The following EPS8 variants were observed in gnomAD, a reference collection of about 807,000 sequenced individuals.
EPS8 encodes epidermal growth factor receptor kinase substrate 8.
EPS8 carries 42 observed loss-of-function variants against 103.8 expected under a neutral mutation model. That is an observed-to-expected ratio of 0.40 (90% confidence interval 0.32 to 0.52). The LOEUF is 0.52. EPS8 is among the 20% of genes least tolerant of loss of function. The pLI is 0.40. For missense variants in EPS8, 969 were observed against 1,005.1 expected, an observed-to-expected ratio of 0.96 and a Z score of 0.49; for synonymous variants, 344 against 344.6, an observed-to-expected ratio of 1.00 and a Z score of 0.02.
chr12:15,664,722 G>A (rs910029448), intron 8 of EPS8, among the ~76,000 whole-genome samples: 1 of 152,090 alleles, frequency 6.6e-6, no homozygotes, highest in East Asian at 1.9e-4. Context: ...ATACTTTACT[G>A]GATAAAGAAT....
intron 1 of EPS8, among the ~76,000 whole-genome samples, chr12:15,686,256 T>C (rs1461780804): frequency 6.6e-6 from 1 of 152,210 alleles, no homozygotes; most frequent in African/African-American, 2.4e-5. Context: ...CTTACTTTAT[T>C]TTAGAATATA....
At position 15,654,012 on chromosome 12, in the gene EPS8, C is replaced by A. The variant is rs548558952; in HGVS notation, c.1250+133G>T. ...TCTATCTCTTCCACTAGACTTCTAG[C>A]CTTTAAGGGTTTAGGTTTTTTCATC... On this transcript the variant is annotated intron_variant, in intron 13 of 20. Transcript: ENST00000281172. 16 of 788,118 alleles carry A rather than the reference C, an allele frequency of 2.0e-5. No homozygotes were observed. In the South Asian group the frequency reaches 2.7e-4, roughly 13 times the overall value. 48.8% of individuals were successfully genotyped at this position (788,118 alleles called of 1,614,324 possible). A position where few individuals can be genotyped will look rare whatever the true frequency, so the allele number is the denominator to read the frequency against.
chr12:15,720,006 A>C (rs1245145442), intron 1 of EPS8, among the ~76,000 whole-genome samples: 1 of 152,232 alleles, frequency 6.6e-6, no homozygotes, highest in Non-Finnish European at 1.5e-5. Flanking sequence ...ACAAATCATC[A>C]GTATAGGCAG....
At chr12:15,694,820 CA>C (rs1002330419) in intron 1 of EPS8, among the ~76,000 whole-genome samples, 28 of 152,036 alleles carry the variant, frequency 1.8e-4, no homozygotes, top group Non-Finnish European at 7.4e-5. Flanking sequence ...ATTTAAAAGT[CA>C]GTAAATATAA....
At chr12:15,758,952 G>A (rs543407529) in intron 1 of EPS8, among the ~76,000 whole-genome samples, 15 of 152,182 alleles carry the variant, frequency 9.9e-5, no homozygotes, top group Non-Finnish European at 1.8e-4. Context: ...CAGTGAATGG[G>A]GAGGAAGCAT....
rs1341458300 is a variant in EPS8 at position 15,748,420 on chromosome 12, T to C, written c.-22+40741A>G. Among the ~76,000 whole-genome samples, 1 of 152,192 alleles carries C rather than the reference T, an allele frequency of 6.6e-6. No individual in the cohort carries two copies. Among genetic ancestry groups the C allele is most frequent in the Non-Finnish European group, 1.5e-5 (1 of 68,032 alleles). ...GAAAGGAAAGAATTATCCTCAATAA[T>C]ATCAATTTTCTAAGTCTGGGTTTTT... On this transcript the variant is annotated intron_variant, in intron 1 of 20. Coordinates refer to ENST00000281172, the MANE Select transcript of EPS8 (RefSeq NM_004447.6). This position sits in a 1 kb window ranked among gnomAD's most constrained non-coding sequence, Gnocchi z 4.8.
At position 15,739,032 on chromosome 12, in the gene EPS8, C is replaced by T. The variant is rs1414752385; in HGVS notation, c.-22+50129G>A. On this transcript the variant is annotated intron_variant, in intron 1 of 20. Transcript: ENST00000281172. Reference sequence around the variant, plus strand: ...TACATCCCTGGGTTACTATTCTAAGCCTAGATCCTTTAATCTATAATAATA... The same window carrying T: ...TACATCCCTGGGTTACTATTCTAAGTCTAGATCCTTTAATCTATAATAATA... Among the ~76,000 whole-genome samples the T allele has an allele frequency of 2.6e-5, 4 of 152,150 alleles. 1 individual carries two copies. The highest frequency in any genetic ancestry group is 6.3e-3 in the Middle Eastern group (2 of 316).
chr12:15,629,985 C>A (rs775582101), intron 18 of EPS8, among the ~76,000 whole-genome samples: 1 of 152,100 alleles, frequency 6.6e-6, no homozygotes, highest in Non-Finnish European at 1.5e-5. Context: ...TAGTTCCATA[C>A]TGGTATCTGG....
At chr12:15,687,782 C>T (rs1485506563) in intron 1 of EPS8, among the ~76,000 whole-genome samples, 1 of 152,138 alleles carries the variant, frequency 6.6e-6, no homozygotes, top group African/African-American at 2.4e-5. Context: ...ACATCATCAG[C>T]ACACATGTAC....
At chr12:15,737,640 C>A (rs1946779279) in intron 1 of EPS8, among the ~76,000 whole-genome samples, 1 of 152,124 alleles carries the variant, frequency 6.6e-6, no homozygotes, top group Non-Finnish European at 1.5e-5. Flanking sequence ...CAAAGTGACA[C>A]TGGTAAGTGA....
chr12:15,770,287 T>TTA (rs1201276907), intron 1 of EPS8, among the ~76,000 whole-genome samples: 17 of 6,738 alleles, frequency 2.5e-3, no homozygotes, highest in Non-Finnish European at 5.7e-3. Flanking sequence ...AGACCCTGTC[T>TTA]CAAAAAAAAA....
At chr12:15,624,180 T>C in intron 19 of EPS8, 47 bp downstream of exon 19, 2 of 1,467,240 alleles carry the variant, frequency 1.4e-6, no homozygotes, top group East Asian at 4.6e-5. Context: ...TTGAAAACAA[T>C]GCATGTTGTA....
At chr12:15,724,659 C>T (rs1477665915) in intron 1 of EPS8, among the ~76,000 whole-genome samples, 1 of 152,160 alleles carries the variant, frequency 6.6e-6, no homozygotes, top group Non-Finnish European at 1.5e-5. Flanking sequence ...TGGGAGATAA[C>T]TGAATCACAA....
chr12:15,675,191 G>A (rs563772572), intron 3 of EPS8, among the ~76,000 whole-genome samples: 1 of 152,264 alleles, frequency 6.6e-6, no homozygotes, highest in African/African-American at 2.4e-5. Context: ...CAGTTTATAG[G>A]TTACTTATAC....
At position 15,731,113 on chromosome 12, in the gene EPS8, T is replaced by G. The variant is rs1432232620; in HGVS notation, c.-21-48141A>C. ...GCATATCTATATATGACATAGAAAT[T>G]CATCTTTTTTAGATAGAATAATTAA... On this transcript the variant is annotated intron_variant, in intron 1 of 20. Coordinates refer to ENST00000281172, the MANE Select transcript of EPS8 (RefSeq NM_004447.6). This position sits in a 1 kb window ranked among gnomAD's most constrained non-coding sequence, Gnocchi z 5.1. Among the ~76,000 whole-genome samples the G allele has an allele frequency of 6.6e-6, 1 of 152,172 alleles. No individual in the cohort carries two copies.
At chr12:15,650,775 A>C (rs1384426813) in intron 14 of EPS8, 48 bp downstream of exon 14, 1 of 1,424,878 alleles carries the variant, frequency 7.0e-7, no homozygotes, top group East Asian at 2.3e-5. Flanking sequence ...AAGAGAATAC[A>C]CAGATAATTA....
rs1015456611 is a variant in EPS8 at position 15,727,858 on chromosome 12, C to CA, written c.-21-44887dup. On this transcript the variant is annotated intron_variant, in intron 1 of 20. Transcript: ENST00000281172. This position sits in a 1 kb window ranked among gnomAD's most constrained non-coding sequence, Gnocchi z 4.3. ...GGGCGACAGAGCGAGACTCCATCCC[C>CA]AAAAAAAATAAAATAAAATAAATAA... 5.5e-4 allele frequency among the ~76,000 whole-genome samples: 83 copies of CA among 151,308 alleles called. No individual in the cohort carries two copies. The highest frequency in any genetic ancestry group is 5.3e-4 in the Non-Finnish European group (36 of 67,828).
At chr12:15,657,942 C>T (rs1945536258) in intron 12 of EPS8, 137 bp downstream of exon 12, 1 of 633,738 alleles carries the variant, frequency 1.6e-6, no homozygotes, top group Non-Finnish European at 2.8e-6. Context: ...ATTTTACATT[C>T]TTGATGTTTA....
chr12:15,699,062 C>G (rs775307639), intron 1 of EPS8, among the ~76,000 whole-genome samples: 1 of 152,196 alleles, frequency 6.6e-6, no homozygotes, highest in Non-Finnish European at 1.5e-5. Context: ...ACCGATGTGA[C>G]TGCCCCTGCA....
Sources: gnomAD v4.1 joint callset for allele counts (sites outside exome capture counted in the v4.1 genomes callset) on GRCh38, gnomAD v4.1.1 for gene constraint, Gnocchi (gnomAD v3.1) non-coding constraint, MANE v1.5 for transcripts, NCBI Gene and HGNC (gene_info 2026-07-23, HGNC 2026-07-21) for gene names.